SLIT2: variants seen among roughly 807,000 people sequenced by gnomAD.
The protein encoded by SLIT2 is slit guidance ligand 2, also known as slit homolog 2 protein.
A neutral mutation model predicts 185.7 loss-of-function variants in SLIT2; 41 were observed. The observed-to-expected ratio is 0.22, with a 90% CI of 0.17 to 0.29. SLIT2 has a LOEUF of 0.29. SLIT2 is among the 10% of genes least tolerant of loss of function. The pLI is 1.00. For missense variants in SLIT2, 1,571 were observed against 1,909.0 expected (o/e 0.82, Z 3.30); for synonymous variants, 693 against 680.2 (o/e 1.02, Z -0.29).
intron 13 of SLIT2, 43 bp from the exon 14 acceptor site, chr4:20,523,971 A>C (rs962337489): frequency 6.2e-7 from 1 of 1,612,720 alleles, no homozygotes; most frequent in Admixed American, 1.7e-5. Flanking sequence ...AGCTGAGTCC[A>C]TTGCAAGTCA....
At chr4:20,255,750 A>G (rs1711751463) in intron 1 of SLIT2, among the ~76,000 whole-genome samples, 1 of 152,136 alleles carries the variant, frequency 6.6e-6, no homozygotes, top group African/African-American at 2.4e-5. Context: ...GGATGAACAA[A>G]AAGTTTCCAG....
intron 4 of SLIT2, among the ~76,000 whole-genome samples, chr4:20,441,523 C>T (rs1233311415): frequency 1.2e-5 from 1 of 80,088 alleles, no homozygotes; most frequent in Non-Finnish European, 2.9e-5. Context: ...ACTTCTGTCT[C>T]TCTCTCTCTC....
intron 9 of SLIT2, among the ~76,000 whole-genome samples, chr4:20,494,878 GA>G (rs1238907002): frequency 2.0e-5 from 3 of 151,862 alleles, no homozygotes; most frequent in African/African-American, 4.8e-5. Flanking sequence ...TAACATAATA[GA>G]AAACAGTCAA....
At chr4:20,427,240 C>T (rs985324420) in intron 4 of SLIT2, among the ~76,000 whole-genome samples, 2 of 152,144 alleles carry the variant, frequency 1.3e-5, no homozygotes, top group African/African-American at 4.8e-5. Context: ...TCTGTGAAAC[C>T]ATGCTACTTC....
intron 3 of SLIT2, among the ~76,000 whole-genome samples, chr4:20,264,400 A>G (rs2109020942): frequency 6.6e-6 from 1 of 151,906 alleles, no homozygotes; most frequent in South Asian, 2.1e-4. Flanking sequence ...ACGCTGCTAA[A>G]AACACCTTAT....
intron 4 of SLIT2, among the ~76,000 whole-genome samples, chr4:20,439,887 C>T (rs994025858): frequency 5.9e-5 from 9 of 152,144 alleles, no homozygotes; most frequent in African/African-American, 2.2e-4. Flanking sequence ...CACCACATAG[C>T]AGGAGAAAAA....
chr4:20,517,977 A>G (rs1720362577), intron 11 of SLIT2, among the ~76,000 whole-genome samples: 1 of 151,498 alleles, frequency 6.6e-6, no homozygotes. Context: ...TTAGAGATAT[A>G]TTAAAATACA....
intron 4 of SLIT2, among the ~76,000 whole-genome samples, chr4:20,345,537 C>CTTTT (rs149402460): frequency 5.3e-5 from 6 of 112,314 alleles, no homozygotes; most frequent in Non-Finnish European, 7.4e-5. Flanking sequence ...TTCCTTTTTT[C>CTTTT]TTTTTTCTTT....
chr4:20,336,303 T>C (rs1345385250), intron 4 of SLIT2, among the ~76,000 whole-genome samples: 1 of 152,170 alleles, frequency 6.6e-6, no homozygotes, highest in Non-Finnish European at 1.5e-5. Flanking sequence ...AGTGATAGAC[T>C]GGATTAAGAA....
chr4:20,289,081 G>A (rs1715556489), intron 4 of SLIT2, among the ~76,000 whole-genome samples: 1 of 152,228 alleles, frequency 6.6e-6, no homozygotes, highest in African/African-American at 2.4e-5. Context: ...TAATAGGACA[G>A]AGAAAGGTGG....
At chr4:20,308,831 C>T (rs527617485) in intron 4 of SLIT2, among the ~76,000 whole-genome samples, 1 of 152,180 alleles carries the variant, frequency 6.6e-6, no homozygotes, top group South Asian at 2.1e-4. Flanking sequence ...TACATACAAA[C>T]AAACATATAT....
At chr4:20,375,865 G>A (rs988539157) in intron 4 of SLIT2, among the ~76,000 whole-genome samples, 3 of 151,850 alleles carry the variant, frequency 2.0e-5, no homozygotes, top group African/African-American at 7.3e-5. Flanking sequence ...TTATATCACT[G>A]TTCTTCAAAT....
intron 4 of SLIT2, among the ~76,000 whole-genome samples, chr4:20,344,277 G>T (rs1721203708): frequency 6.6e-6 from 1 of 152,212 alleles, no homozygotes; most frequent in Admixed American, 6.5e-5. Flanking sequence ...AGTTGACAAT[G>T]ATGTAAGTGC....
intron 4 of SLIT2, among the ~76,000 whole-genome samples, chr4:20,342,770 C>T (rs1213759842): frequency 8.3e-6 from 1 of 121,156 alleles, no homozygotes; most frequent in East Asian, 2.3e-4. Flanking sequence ...AATGTCGGTC[C>T]ATGTGCTGGA....
At chr4:20,510,647 A>G in intron 10 of SLIT2, 81 bp downstream of exon 10, 1 of 807,176 alleles carries the variant, frequency 1.2e-6, no homozygotes. Flanking sequence ...CTTAAGTATG[A>G]GTATATAAGT....
intron 21 of SLIT2, 140 bp from the exon 22 acceptor site, chr4:20,545,891 T>A (rs190657699): frequency 1.2e-5 from 5 of 432,028 alleles, no homozygotes; most frequent in Admixed American, 4.3e-5. Context: ...TAAATAATAA[T>A]CCATGCTTGG....
intron 4 of SLIT2, among the ~76,000 whole-genome samples, chr4:20,322,176 C>A (rs114885805): frequency 1.3e-5 from 2 of 152,310 alleles, no homozygotes; most frequent in African/African-American, 4.8e-5. Context: ...AAATCTCAGA[C>A]AGGTTTCAGT....
chr4:20,344,810 G>A (rs1162059933), intron 4 of SLIT2, among the ~76,000 whole-genome samples: 1 of 152,154 alleles, frequency 6.6e-6, no homozygotes, highest in Non-Finnish European at 1.5e-5. Flanking sequence ...CCTAGCTTCT[G>A]AAAATCATTT....
intron 4 of SLIT2, among the ~76,000 whole-genome samples, chr4:20,327,780 A>C (rs562815863): frequency 1.3e-5 from 2 of 152,188 alleles, no homozygotes; most frequent in South Asian, 2.1e-4. Context: ...TGCCCATTCC[A>C]TTAATTATCA....
Sources: gnomAD v4.1 joint callset for allele counts (sites outside exome capture counted in the v4.1 genomes callset) on GRCh38, gnomAD v4.1.1 for gene constraint, MANE v1.5 for transcripts, NCBI Gene and HGNC (gene_info 2026-07-23, HGNC 2026-07-21) for gene names.